Variants in NKAIN3 observed in about 807,000 individuals in gnomAD.
The protein encoded by NKAIN3 is sodium/potassium-transporting ATPase subunit beta-1-interacting protein 3.
In NKAIN3, 25 loss-of-function variants were observed where a neutral mutation model predicts 30.2. That is an observed-to-expected ratio of 0.83 (90% CI 0.60 to 1.16). The LOEUF (loss-of-function observed/expected upper bound fraction) is 1.16, where lower values mean the gene tolerates loss of function less well. Among genes scored for constraint, NKAIN3 ranks in the 50% most tolerant of loss-of-function variants. The pLI is 0.00. For synonymous variants in NKAIN3, 91 were observed against 89.6 expected, an observed-to-expected ratio of 1.02 and a Z score of -0.09; for missense variants, 225 against 254.1, an observed-to-expected ratio of 0.89 and a Z score of 0.78.
At chr8:62,869,088 C>A (rs1290778853) in intron 4 of NKAIN3, among the ~76,000 whole-genome samples, 7 of 152,134 alleles carry the variant, frequency 4.6e-5, no homozygotes, top group Admixed American at 3.9e-4. Flanking sequence ...CTGAAATGAC[C>A]TCGGCAAAGA....
intron 3 of NKAIN3, among the ~76,000 whole-genome samples, chr8:62,735,128 T>C: frequency 6.6e-6 from 1 of 152,192 alleles, no homozygotes; most frequent in East Asian, 1.9e-4. Context: ...TTGAGCTTCT[T>C]ATATTTAGAT....
At chr8:62,728,933 T>G (rs1269099393) in intron 3 of NKAIN3, among the ~76,000 whole-genome samples, 1 of 149,232 alleles carries the variant, frequency 6.7e-6, no homozygotes, top group Non-Finnish European at 1.5e-5. Context: ...GAGCTTGCAG[T>G]GAGCCGAGAT....
intron 1 of NKAIN3, among the ~76,000 whole-genome samples, chr8:62,477,593 A>C (rs2129600508): frequency 6.6e-6 from 1 of 152,250 alleles, no homozygotes; most frequent in Admixed American, 6.5e-5. Flanking sequence ...TAGAAATAGT[A>C]TTGCTAGGAG....
chr8:62,370,158 T>C (rs543646926), intron 1 of NKAIN3, among the ~76,000 whole-genome samples: 1 of 152,114 alleles, frequency 6.6e-6, no homozygotes, highest in Non-Finnish European at 1.5e-5. Flanking sequence ...TAGTATAAAG[T>C]ATCTCTGTCA....
chr8:62,301,951 T>C (rs554940162), intron 1 of NKAIN3, among the ~76,000 whole-genome samples: 1 of 152,184 alleles, frequency 6.6e-6, no homozygotes, highest in African/African-American at 2.4e-5. Context: ...TTACCACCTG[T>C]ACCATTTGGA....
intron 1 of NKAIN3, among the ~76,000 whole-genome samples, chr8:62,293,381 G>A (rs748772267): frequency 2.0e-4 from 30 of 152,076 alleles, no homozygotes; most frequent in Non-Finnish European, 7.4e-5. Context: ...TCTACCTTTG[G>A]TCTTTGATGA....
intron 1 of NKAIN3, among the ~76,000 whole-genome samples, chr8:62,512,025 AC>A: frequency 6.6e-6 from 1 of 151,990 alleles, no homozygotes; most frequent in Non-Finnish European, 1.5e-5. Context: ...TTTTATTCCC[AC>A]TATCTTGTAT....
chr8:62,898,686 C>A (rs1006972674), intron 4 of NKAIN3, among the ~76,000 whole-genome samples: 1 of 152,060 alleles, frequency 6.6e-6, no homozygotes, highest in Non-Finnish European at 1.5e-5. Flanking sequence ...ATTTCTTGAA[C>A]AATACCCCGC....
chr8:62,941,683 G>C (rs552744800), intron 5 of NKAIN3, among the ~76,000 whole-genome samples: 1 of 152,292 alleles, frequency 6.6e-6, no homozygotes, highest in South Asian at 2.1e-4. Flanking sequence ...ATCGACAGAT[G>C]CAGAAAAAGC....
At chr8:62,466,774 ATTC>A (rs1267885378) in intron 1 of NKAIN3, among the ~76,000 whole-genome samples, 1 of 152,154 alleles carries the variant, frequency 6.6e-6, no homozygotes, top group African/African-American at 2.4e-5. Flanking sequence ...TATAATGCAT[ATTC>A]TTCTTTTGCA....
At chr8:62,269,906 C>CT (rs1047971890) in intron 1 of NKAIN3, among the ~76,000 whole-genome samples, 1 of 152,100 alleles carries the variant, frequency 6.6e-6, no homozygotes, top group Non-Finnish European at 1.5e-5. Context: ...TATAATAAGT[C>CT]TATCTATTCT....
At chr8:62,601,165 T>A (rs996476884) in intron 3 of NKAIN3, among the ~76,000 whole-genome samples, 1 of 152,122 alleles carries the variant, frequency 6.6e-6, no homozygotes, top group Non-Finnish European at 1.5e-5. Flanking sequence ...GATGGTAGTT[T>A]GAAATTAAAT....
chr8:62,390,564 A>C (rs1015286895), intron 1 of NKAIN3, among the ~76,000 whole-genome samples: 1 of 152,192 alleles, frequency 6.6e-6, no homozygotes, highest in Admixed American at 6.5e-5. Flanking sequence ...ATACCCACTA[A>C]TGGGATTGCT....
Position 62,982,746 on chromosome 8 carries a change from A to G in NKAIN3, c.*17339A>G, listed in dbSNP as rs1233562923. ...TTTTTTCAGTTCCAAAGTTATCAAAATCCCAGGAATATTTCACAGAAAAGA... is the reference window on the plus strand; with the variant it reads ...TTTTTTCAGTTCCAAAGTTATCAAAGTCCCAGGAATATTTCACAGAAAAGA... On this transcript the variant is annotated 3_prime_UTR_variant, in exon 7 of 7. Coordinates refer to ENST00000623646, the MANE Select transcript of NKAIN3 (RefSeq NM_001304533.3). 1 of 152,102 alleles carries G rather than the reference A, an allele frequency of 6.6e-6. No individual in the cohort carries two copies. Among genetic ancestry groups the G allele is most frequent in the Non-Finnish European group, 1.5e-5 (1 of 68,006 alleles). The allele number at this position is 152,102 out of a possible 1,614,324, so 9.4% of individuals were successfully genotyped here.
intron 3 of NKAIN3, among the ~76,000 whole-genome samples, chr8:62,595,167 A>G (rs1039615407): frequency 6.6e-6 from 1 of 151,950 alleles, no homozygotes; most frequent in African/African-American, 2.4e-5. Context: ...TACTAAAGTC[A>G]TGGTTAATAT....
At chr8:62,286,693 G>T (rs1258039840) in intron 1 of NKAIN3, among the ~76,000 whole-genome samples, 1 of 151,986 alleles carries the variant, frequency 6.6e-6, no homozygotes, top group Non-Finnish European at 1.5e-5. Flanking sequence ...GTACTTTCAA[G>T]TACTGACATG....
rs541256364 is a variant in NKAIN3, at chr8:62,991,823, G to C, written c.533-7408G>C. Among the ~76,000 whole-genome samples the C allele has an allele frequency of 2.0e-5, 3 of 152,220 alleles. No individual in the cohort carries two copies. The South Asian group carries it at 6.2e-4, about 32-fold the overall frequency. On this transcript the variant is annotated intron_variant, in intron 5 of 5. Coordinates refer to the NKAIN3 transcript ENST00000519049. ...TACTTTTAGAACTCTTTAATTGAAC[G>C]TGTCTTTAAGGGACAAAGTGTCCTG...
chr8:62,632,367 C>A (rs7017328), intron 3 of NKAIN3, among the ~76,000 whole-genome samples: 3,091 of 152,204 alleles, frequency 0.02, 89 homozygotes, highest in African/African-American at 0.069. Context: ...ATGAAAATAT[C>A]AAGATACCTT....
chr8:62,617,449 A>G (rs1187831302), intron 3 of NKAIN3, among the ~76,000 whole-genome samples: 1 of 152,206 alleles, frequency 6.6e-6, no homozygotes, highest in African/African-American at 2.4e-5. Flanking sequence ...ACTAGGTCAT[A>G]AAGTTAAACC....
Sources: gnomAD v4.1 joint callset for allele counts (sites outside exome capture counted in the v4.1 genomes callset) on GRCh38, gnomAD v4.1.1 for gene constraint, MANE v1.5 for transcripts, NCBI Gene and HGNC (gene_info 2026-07-23, HGNC 2026-07-21) for gene names.